CCDC25: variants seen among roughly 807,000 people sequenced by gnomAD.
CCDC25 encodes coiled-coil domain-containing protein 25.
CCDC25 carries 16 observed loss-of-function variants against 35.3 expected under a neutral mutation model. The ratio of observed to expected loss-of-function variants is 0.45; its 90% CI spans 0.31 to 0.69. The LOEUF (loss-of-function observed/expected upper bound fraction) is 0.69, where lower values mean the gene tolerates loss of function less well. CCDC25 is among the 30% of genes least tolerant of loss of function. CCDC25 has a pLI of 0.06. For synonymous variants in CCDC25, 79 were observed against 80.3 expected (o/e 0.98, Z 0.09); for missense variants, 179 against 250.7 (o/e 0.71, Z 1.93).
At chr8:27,767,079 A>C (rs1804426165) in intron 1 of CCDC25, among the ~76,000 whole-genome samples, 1 of 152,214 alleles carries the variant, frequency 6.6e-6, no homozygotes, top group Non-Finnish European at 1.5e-5. Context: ...CAAAATAACA[A>C]TATAGGCCAG....
Position 27,765,262 on chromosome 8 carries a change from A to G in CCDC25, c.29-11T>C. ...AGGCAGATGAATTAACTAAGATAAAACAAAAATAAAAAACAATTAGTAACT... is the reference window on the plus strand; with the variant it reads ...AGGCAGATGAATTAACTAAGATAAAGCAAAAATAAAAAACAATTAGTAACT... On this transcript the variant is annotated splice_polypyrimidine_tract_variant and intron_variant, in intron 1 of 8. Coordinates refer to ENST00000356537, the MANE Select transcript of CCDC25 (RefSeq NM_018246.3). 2 of 1,458,368 alleles carry G rather than the reference A, an allele frequency of 1.4e-6. No individual in the cohort carries two copies. The highest frequency in any genetic ancestry group is 2.5e-5 in the East Asian group (1 of 40,580). 90.3% of individuals were successfully genotyped at this position (1,458,368 alleles called of 1,614,324 possible). A position where few individuals can be genotyped will look rare whatever the true frequency, so the allele number is the denominator to read the frequency against.
chr8:27,755,547 G>A (rs1437489292), intron 4 of CCDC25, among the ~76,000 whole-genome samples: 1 of 152,184 alleles, frequency 6.6e-6, no homozygotes, highest in African/African-American at 2.4e-5. Context: ...CCACTTCCTT[G>A]AGTGTGGGCT....
At chr8:27,742,293 C>T (rs1288730786) in intron 7 of CCDC25, among the ~76,000 whole-genome samples, 1 of 152,126 alleles carries the variant, frequency 6.6e-6, no homozygotes, top group African/African-American at 2.4e-5. Context: ...TCTGGAGAGA[C>T]TTGTAAGCTT....
chr8:27,765,138 G>C (rs1804357106), intron 2 of CCDC25, 66 bp downstream of exon 2: 1 of 1,407,904 alleles, frequency 7.1e-7, no homozygotes, highest in Non-Finnish European at 9.6e-7. Context: ...GGGCATGGAA[G>C]GTGGTGAGTG....
rs542973231 is a variant in CCDC25 at position 27,762,445 on chromosome 8, G to C, written c.90C>G (p.Ile30Met). 8.1e-6 allele frequency: 13 copies of C among 1,613,322 alleles called. No individual in the cohort carries two copies. In the South Asian group the frequency reaches 1.4e-4, roughly 18 times the overall value. ...AGATATCTTCAGGCCAGCCATGCTT[G>C]ATCAGATCTTCATCTGCAATGAGAT... Reference protein sequence around the residue: ...GKDKYENEDLIKHGWPEDIWF... With the variant: ...GKDKYENEDLMKHGWPEDIWF... Residue 30 changes from isoleucine to methionine, a missense_variant, in exon 3 of 9, where the codon ATC becomes ATG. Ile to Met is a conservative substitution (Grantham distance 10). Transcript: ENST00000356537.
intron 7 of CCDC25, among the ~76,000 whole-genome samples, chr8:27,744,230 T>C (rs1803531801): frequency 6.6e-6 from 1 of 152,146 alleles, no homozygotes; most frequent in African/African-American, 2.4e-5. Context: ...AGTTACTTGG[T>C]TTATATTGAA....
intron 2 of CCDC25, among the ~76,000 whole-genome samples, chr8:27,764,851 C>T (rs1804346645): frequency 6.6e-6 from 1 of 152,116 alleles, no homozygotes; most frequent in Non-Finnish European, 1.5e-5. Context: ...TTTGTCTATA[C>T]TTTTTAAAAA....
intron 5 of CCDC25, among the ~76,000 whole-genome samples, chr8:27,750,726 A>G (rs1407480798): frequency 1.3e-5 from 2 of 152,246 alleles, no homozygotes; most frequent in East Asian, 3.8e-4. Flanking sequence ...GAGTCAAGAC[A>G]GTTTCTAAAC....
chr8:27,767,778 G>A (rs542381987), intron 1 of CCDC25, among the ~76,000 whole-genome samples: 22 of 152,246 alleles, frequency 1.4e-4, no homozygotes, highest in Non-Finnish European at 2.9e-4. Context: ...GAATGCCCTT[G>A]ATTTTAGAAA....
intron 4 of CCDC25, chr8:27,753,140 CTA>C (rs1472013809): frequency 6.6e-6 from 1 of 152,040 alleles, no homozygotes; most frequent in Non-Finnish European, 1.5e-5. Context: ...TCCTTTTTCT[CTA>C]TAGAAATTTG....
chr8:27,762,436 G>C lies in CCDC25; in HGVS notation c.99C>G (p.Gly33=). 1 of 1,613,338 alleles carries C rather than the reference G, an allele frequency of 6.2e-7. No individual in the cohort carries two copies. Among genetic ancestry groups the C allele is most frequent in the Non-Finnish European group, 8.5e-7 (1 of 1,179,764 alleles). Residue 33 remains glycine, a synonymous_variant, in exon 3 of 9, where the codon GGC becomes GGG. Coordinates refer to ENST00000356537, the MANE Select transcript of CCDC25 (RefSeq NM_018246.3). ...KYENEDLIKH[G]WPEDIWFHVD... Reference sequence around the variant, plus strand: ...TTACTTACCAGATATCTTCAGGCCAGCCATGCTTGATCAGATCTTCATCTG... The same window carrying C: ...TTACTTACCAGATATCTTCAGGCCACCCATGCTTGATCAGATCTTCATCTG...
chr8:27,763,152 T>G (rs1804283275), intron 2 of CCDC25, among the ~76,000 whole-genome samples: 1 of 152,196 alleles, frequency 6.6e-6, no homozygotes, highest in Admixed American at 6.5e-5. Flanking sequence ...TTCTCTTATA[T>G]GAATAAACTT....
chr8:27,755,324 A>C (rs1441282037), intron 4 of CCDC25, among the ~76,000 whole-genome samples: 2 of 152,240 alleles, frequency 1.3e-5, no homozygotes, highest in Non-Finnish European at 2.9e-5. Flanking sequence ...GAGCCCGCTG[A>C]AAGAGCTCCA....
chr8:27,739,594 A>T (rs1803367183), intron 8 of CCDC25, among the ~76,000 whole-genome samples: 1 of 152,220 alleles, frequency 6.6e-6, no homozygotes, highest in Non-Finnish European at 1.5e-5. Flanking sequence ...ATTAGGTATT[A>T]TAAGTAATCT....
intron 1 of CCDC25, among the ~76,000 whole-genome samples, chr8:27,768,066 G>C (rs1339530547): frequency 6.6e-6 from 1 of 151,696 alleles, no homozygotes; most frequent in Non-Finnish European, 1.5e-5. Flanking sequence ...AATTAGCTGG[G>C]TGTGGTGGCT....
At chr8:27,746,817 C>G (rs1031166327) in intron 7 of CCDC25, among the ~76,000 whole-genome samples, 1 of 152,076 alleles carries the variant, frequency 6.6e-6, no homozygotes, top group Non-Finnish European at 1.5e-5. Context: ...TTAGCAGAAC[C>G]CCAACCAGAA....
chr8:27,739,815 C>G (rs1265309676), intron 8 of CCDC25, among the ~76,000 whole-genome samples: 1 of 152,184 alleles, frequency 6.6e-6, no homozygotes, highest in Non-Finnish European at 1.5e-5. Flanking sequence ...TTTCTGCAGA[C>G]TGCTCAATAG....
In CCDC25 at chr8:27,735,176, T is replaced by C. The variant is rs191008498; in HGVS notation, c.*1040A>G. The C allele has an allele frequency of 6.5e-6, 1 of 152,676 alleles. No homozygotes were observed. Among genetic ancestry groups the C allele is most frequent in the South Asian group, 2.1e-4 (1 of 4,820 alleles). The allele number at this position is 152,676 out of a possible 1,614,324, so 9.5% of individuals were successfully genotyped here. The stretch of plus-strand genomic sequence containing the variant: ...GTCATTTTCTATACCCTCTCAAAAT[T>C]TGGCCAGTGAGTTTTGCCTCAGGGA... On this transcript the variant is annotated 3_prime_UTR_variant, in exon 9 of 9. Transcript: ENST00000356537.
chr8:27,741,222 G>A (rs1030799145), intron 7 of CCDC25, among the ~76,000 whole-genome samples: 3 of 152,158 alleles, frequency 2.0e-5, no homozygotes, highest in Non-Finnish European at 4.4e-5. Context: ...GGTTCAATGG[G>A]CATTCATTAA....
Sources: gnomAD v4.1 joint callset for allele counts (sites outside exome capture counted in the v4.1 genomes callset) on GRCh38, gnomAD v4.1.1 for gene constraint, MANE v1.5 for transcripts, NCBI Gene and HGNC (gene_info 2026-07-23, HGNC 2026-07-21) for gene names.